The following PCDH15 variants were observed in gnomAD, a reference collection of about 807,000 sequenced individuals.
The protein encoded by PCDH15 is protocadherin related 15, also known as protocadherin-15.
A neutral mutation model predicts 178.5 loss-of-function variants in PCDH15; 129 were observed. The observed-to-expected ratio is 0.72, with a 90% confidence interval of 0.63 to 0.84. The LOEUF is 0.84. PCDH15 is among the 40% of genes least tolerant of loss of function. PCDH15 has a pLI of 0.00. For synonymous variants in PCDH15, 800 were observed against 732.0 expected (o/e 1.09, Z -1.50); for missense variants, 2,230 against 2,099.9 (o/e 1.06, Z -1.21).
chr10:53,949,233 C>A (rs1461392034), intron 23 of PCDH15, among the ~76,000 whole-genome samples: 3 of 151,974 alleles, frequency 2.0e-5, no homozygotes, highest in Admixed American at 1.3e-4. Context: ...GTTAAATGGG[C>A]GAAACCTATT....
At chr10:54,766,130 G>A (rs1948485121) in intron 1 of PCDH15, among the ~76,000 whole-genome samples, 1 of 151,922 alleles carries the variant, frequency 6.6e-6, no homozygotes, top group Non-Finnish European at 1.5e-5. Context: ...AAAAAATACA[G>A]CAACAATAAA....
intron 1 of PCDH15, among the ~76,000 whole-genome samples, chr10:54,794,472 A>G (rs551107363): frequency 5.7e-4 from 87 of 151,968 alleles, no homozygotes; most frequent in African/African-American, 2.0e-3. Flanking sequence ...ATATGCCTGA[A>G]ATGTTTGCTG....
Position 53,940,948 on chromosome 10 carries a change from G to C in PCDH15, c.3150C>G (p.Thr1050=). ...AAATTACACCAACCATGGTCCCTTT[G>C]GTGGCAAGTTCACTTACTGGAGGAG... ...YRPPPVSELA[T]KGTMVGVISA... The change falls in exon 24 of 38, where the codon ACC becomes ACG. Residue 1050 remains threonine, a synonymous_variant. Coordinates refer to ENST00000644397, the MANE Select transcript of PCDH15 (RefSeq NM_001384140.1). The C allele has an allele frequency of 6.2e-7, 1 of 1,613,388 alleles. No homozygotes were observed.
In PCDH15 at chr10:54,039,098, C is replaced by A. The variant is rs1196099325; in HGVS notation, c.2221-15901G>T. Among the ~76,000 whole-genome samples, 20 of 152,054 alleles carry A rather than the reference C, an allele frequency of 1.3e-4. No individual in the cohort carries two copies. In the South Asian group the frequency reaches 3.7e-3, roughly 28 times the overall value. ...TAGTTCTTATAAACACCCAGTATGGCAGTTATTATTGTCCATATTTTACAG... is the reference window on the plus strand; with the variant it reads ...TAGTTCTTATAAACACCCAGTATGGAAGTTATTATTGTCCATATTTTACAG... On this transcript the variant is annotated intron_variant, in intron 18 of 37. Transcript: ENST00000644397.
chr10:54,803,884 A>C (rs1952731478), upstream of PCDH15, among the ~76,000 whole-genome samples: 1 of 152,236 alleles, frequency 6.6e-6, no homozygotes, highest in Non-Finnish European at 1.5e-5. Flanking sequence ...AAAGTCACAT[A>C]ATACAGTTTA....
intron 2 of PCDH15, among the ~76,000 whole-genome samples, chr10:55,033,402 C>G (rs1362904173): frequency 6.6e-6 from 1 of 152,158 alleles, no homozygotes; most frequent in Admixed American, 6.5e-5. Flanking sequence ...CCCAACCTTA[C>G]CCCAGTGTGT....
chr10:53,899,290 T>C (rs2082169415), intron 26 of PCDH15, among the ~76,000 whole-genome samples: 1 of 152,092 alleles, frequency 6.6e-6, no homozygotes, highest in Non-Finnish European at 1.5e-5. Flanking sequence ...TTTTTAAGTA[T>C]ATTAGGTATA....
At chr10:53,909,694 C>T (rs189691007) in intron 25 of PCDH15, among the ~76,000 whole-genome samples, 6 of 152,294 alleles carry the variant, frequency 3.9e-5, no homozygotes, top group African/African-American at 7.2e-5. Flanking sequence ...AGCCAAAGCA[C>T]GGTGGGACAT....
At chr10:54,436,010 AGGAGAGGAGAGGAGAGG>A (rs2075364687) in intron 3 of PCDH15, among the ~76,000 whole-genome samples, 21 of 59,932 alleles carry the variant, frequency 3.5e-4, no homozygotes, top group African/African-American at 1.8e-3. Flanking sequence ...AGAAGAGGAG[AGGAGAGGAGAGGAGAGG>A]AGAGGAGAGA....
At chr10:54,961,914 G>T (rs1838666444) in intron 2 of PCDH15, among the ~76,000 whole-genome samples, 1 of 152,180 alleles carries the variant, frequency 6.6e-6, no homozygotes, top group Admixed American at 6.5e-5. Flanking sequence ...CCTGCCTGGA[G>T]ATATGAGTTG....
chr10:55,482,423 C>A (rs1428151962), intron 2 of PCDH15, among the ~76,000 whole-genome samples: 1 of 151,756 alleles, frequency 6.6e-6, no homozygotes, highest in African/African-American at 2.4e-5. Context: ...TCACTGATCT[C>A]TAAACTTCAG....
intron 20 of PCDH15, among the ~76,000 whole-genome samples, chr10:54,011,284 C>T (rs1170470998): frequency 6.6e-6 from 1 of 152,218 alleles, no homozygotes; most frequent in East Asian, 1.9e-4. Context: ...CACCTCCAGA[C>T]AGCTGCATCA....
intron 22 of PCDH15, 97 bp from the exon 23 acceptor site, chr10:53,959,941 G>T: frequency 2.1e-6 from 2 of 932,590 alleles, no homozygotes; most frequent in South Asian, 1.4e-5. Context: ...GGATTGCCTG[G>T]TTCCAGAAGG....
chr10:54,411,392 C>G (rs769176164), intron 3 of PCDH15, among the ~76,000 whole-genome samples: 5 of 152,070 alleles, frequency 3.3e-5, no homozygotes, highest in Non-Finnish European at 5.9e-5. Flanking sequence ...AATTAAAAGA[C>G]CAGTATAACT....
chr10:54,686,506 C>T (rs1015028586), intron 1 of PCDH15, among the ~76,000 whole-genome samples: 1 of 152,002 alleles, frequency 6.6e-6, no homozygotes, highest in Non-Finnish European at 1.5e-5. Flanking sequence ...CATCATGAAG[C>T]TTTTCCCTCA....
chr10:54,171,398 C>T (rs931148016), intron 13 of PCDH15, among the ~76,000 whole-genome samples: 1 of 152,140 alleles, frequency 6.6e-6, no homozygotes, highest in Non-Finnish European at 1.5e-5. Flanking sequence ...GGGTACAGCC[C>T]ATTTGAGCGG....
At chr10:53,982,027 T>C (rs182252318) in intron 21 of PCDH15, among the ~76,000 whole-genome samples, 237 of 152,308 alleles carry the variant, frequency 1.6e-3, no homozygotes, top group African/African-American at 5.4e-3. Context: ...ACAGACACTT[T>C]TCAAAAGAAG....
At chr10:54,280,741 G>C (rs778776512) in intron 8 of PCDH15, among the ~76,000 whole-genome samples, 2 of 151,640 alleles carry the variant, frequency 1.3e-5, no homozygotes, top group Non-Finnish European at 2.9e-5. Flanking sequence ...GCTTTTCGTA[G>C]ATGTTCCTAC....
chr10:54,926,068 G>A (rs1436888609), intron 2 of PCDH15, among the ~76,000 whole-genome samples: 1 of 152,098 alleles, frequency 6.6e-6, no homozygotes, highest in Non-Finnish European at 1.5e-5. Flanking sequence ...TATTCAGTAT[G>A]ATGTTGGCTG....
Sources: gnomAD v4.1 joint callset for allele counts (sites outside exome capture counted in the v4.1 genomes callset) on GRCh38, gnomAD v4.1.1 for gene constraint, MANE v1.5 for transcripts, NCBI Gene and HGNC (gene_info 2026-07-23, HGNC 2026-07-21) for gene names.